Variants in CNTNAP2 observed in about 807,000 individuals in gnomAD.
CNTNAP2 encodes contactin associated protein 2.
A neutral mutation model predicts 155.2 loss-of-function variants in CNTNAP2; 98 were observed. That is an observed-to-expected ratio of 0.63 (90% CI 0.54 to 0.75). CNTNAP2 has a LOEUF of 0.75. Among genes scored for constraint, CNTNAP2 ranks in the 30% least tolerant of loss-of-function variants. The pLI is 0.00. For missense variants in CNTNAP2, 1,727 were observed against 1,688.1 expected (o/e 1.02, Z -0.40); for synonymous variants, 651 against 631.2 (o/e 1.03, Z -0.47).
chr7:148,107,099 G>GA (rs1194614019), intron 15 of CNTNAP2, among the ~76,000 whole-genome samples: 3 of 152,120 alleles, frequency 2.0e-5, no homozygotes, highest in Non-Finnish European at 4.4e-5. Context: ...CCAAACATGT[G>GA]AAACACACAA....
In CNTNAP2 at chr7:147,176,664, A is replaced by G. The variant is rs867773635; in HGVS notation, c.1348+44155A>G. Among the ~76,000 whole-genome samples, 12 of 113,404 alleles carry G rather than the reference A, an allele frequency of 1.1e-4. No individual in the cohort carries two copies. In the South Asian group the frequency reaches 2.8e-3, roughly 26 times the overall value. 74.4% of individuals were successfully genotyped at this position (113,404 alleles called of 152,430 possible). On this transcript the variant is annotated intron_variant, in intron 8 of 23. Transcript: ENST00000361727. ...AATATTTATAATATAATAGAATTAT[A>G]TTCTGTATTTTATATAATATATAAT...
chr7:146,396,648 C>T (rs1795631688), intron 1 of CNTNAP2, among the ~76,000 whole-genome samples: 1 of 150,692 alleles, frequency 6.6e-6, no homozygotes, highest in African/African-American at 2.5e-5. Context: ...AAACATTTTG[C>T]TAAAGTTTGG....
intron 1 of CNTNAP2, among the ~76,000 whole-genome samples, chr7:146,642,264 C>A (rs898185655): frequency 2.7e-5 from 4 of 150,712 alleles, no homozygotes; most frequent in African/African-American, 9.8e-5. Flanking sequence ...CCCATTAACT[C>A]ATCATTTAGC....
chr7:148,046,056 C>T (rs916488744), intron 15 of CNTNAP2, among the ~76,000 whole-genome samples: 1 of 152,136 alleles, frequency 6.6e-6, no homozygotes, highest in Non-Finnish European at 1.5e-5. Flanking sequence ...TGCTGTCCTT[C>T]AATATTATTA....
At chr7:146,375,702 T>C (rs1160208712) in intron 1 of CNTNAP2, among the ~76,000 whole-genome samples, 1 of 152,192 alleles carries the variant, frequency 6.6e-6, no homozygotes, top group African/African-American at 2.4e-5. Flanking sequence ...ATGAAATAAA[T>C]ATTTTTCCCA....
chr7:147,306,607 C>G (rs1431822203), intron 9 of CNTNAP2, among the ~76,000 whole-genome samples: 1 of 152,148 alleles, frequency 6.6e-6, no homozygotes, highest in Non-Finnish European at 1.5e-5. Context: ...GGTTTGAAAG[C>G]ACATTCTACG....
intron 1 of CNTNAP2, among the ~76,000 whole-genome samples, chr7:146,317,884 G>A (rs1584866263): frequency 6.6e-6 from 1 of 152,224 alleles, no homozygotes; most frequent in African/African-American, 2.4e-5. Context: ...GCTCACGCCT[G>A]TAATCCTAGC....
chr7:148,048,090 A>T (rs992582534), intron 15 of CNTNAP2, among the ~76,000 whole-genome samples: 5 of 145,238 alleles, frequency 3.4e-5, no homozygotes, highest in African/African-American at 1.0e-4. Context: ...TGCCCAGCTA[A>T]TTTTTTTTTT....
chr7:147,136,781 T>C (rs1225746965), intron 8 of CNTNAP2, among the ~76,000 whole-genome samples: 3 of 151,970 alleles, frequency 2.0e-5, no homozygotes, highest in African/African-American at 7.2e-5. Context: ...CTTTTCATCA[T>C]ATGAGAAAAA....
rs1473651635 is a variant in CNTNAP2, at chr7:146,914,325, T to C, written c.402+74421T>C. On this transcript the variant is annotated intron_variant, in intron 3 of 23. Coordinates refer to ENST00000361727, the MANE Select transcript of CNTNAP2 (RefSeq NM_014141.6). ...GGGTAGGTACCCAGGGCACGATTAC[T>C]GGATCAAATTGTGGATCCACTTTTA... Among the ~76,000 whole-genome samples the C allele has an allele frequency of 7.2e-5, 11 of 152,228 alleles. No individual in the cohort carries two copies. The East Asian group carries it at 2.1e-3, about 29-fold the overall frequency.
intron 11 of CNTNAP2, among the ~76,000 whole-genome samples, chr7:147,502,205 T>C (rs1229318435): frequency 6.6e-6 from 1 of 151,962 alleles, no homozygotes; most frequent in Non-Finnish European, 1.5e-5. Flanking sequence ...AGATGTTTTA[T>C]AGAAATAGAA....
At chr7:146,512,805 T>A (rs1410749692) in intron 1 of CNTNAP2, among the ~76,000 whole-genome samples, 4 of 151,586 alleles carry the variant, frequency 2.6e-5, no homozygotes, top group Non-Finnish European at 5.9e-5. Flanking sequence ...TTTAGGTCCA[T>A]TTGCTCTATA....
At chr7:147,864,261 GC>G (rs1799187639) in intron 13 of CNTNAP2, among the ~76,000 whole-genome samples, 1 of 152,126 alleles carries the variant, frequency 6.6e-6, no homozygotes, top group Non-Finnish European at 1.5e-5. Context: ...TATTTCTGAT[GC>G]CTCTGTTCTG....
chr7:147,928,515 C>A (rs576418309), intron 14 of CNTNAP2, among the ~76,000 whole-genome samples: 1 of 151,922 alleles, frequency 6.6e-6, no homozygotes, highest in African/African-American at 2.4e-5. Flanking sequence ...AACTTTAAAG[C>A]GATGAATTGT....
intron 13 of CNTNAP2, among the ~76,000 whole-genome samples, chr7:147,765,862 C>T (rs1460914259): frequency 2.0e-5 from 3 of 152,066 alleles, no homozygotes; most frequent in Non-Finnish European, 2.9e-5. Context: ...ATGATATACT[C>T]GTACAATGGA....
intron 14 of CNTNAP2, among the ~76,000 whole-genome samples, chr7:147,925,161 A>AGGAAGGAAGGAAGGAG (rs1800366335): frequency 7.5e-6 from 1 of 133,352 alleles, no homozygotes; most frequent in African/African-American, 3.0e-5. Context: ...GAGAGAAGGA[A>AGGAAGGAAGGAAGGAG]GGAAGGAAGG....
chr7:148,270,844 T>C (rs1796763995), intron 21 of CNTNAP2, among the ~76,000 whole-genome samples: 1 of 152,218 alleles, frequency 6.6e-6, no homozygotes, highest in Admixed American at 6.5e-5. Flanking sequence ...ATCTTGACCA[T>C]GTTGCTTTCT....
Position 146,174,343 on chromosome 7 carries a change from CT to C in CNTNAP2, c.97+57371del, listed in dbSNP as rs769608604. ...CTTGACTCTTACCACCTAAATTCAA[CT>C]CATTTAAAACTATAGGCCAGGAGCA... On this transcript the variant is annotated intron_variant, in intron 1 of 23. Coordinates refer to ENST00000361727, the MANE Select transcript of CNTNAP2 (RefSeq NM_014141.6). 9.7e-4 allele frequency among the ~76,000 whole-genome samples: 147 copies of C among 152,118 alleles called. 3 individuals carry two copies. The highest frequency in any genetic ancestry group is 3.4e-3 in the Middle Eastern group (1 of 294).
chr7:147,888,607 G>A (rs924544453), intron 13 of CNTNAP2, among the ~76,000 whole-genome samples: 1 of 151,670 alleles, frequency 6.6e-6, no homozygotes, highest in African/African-American at 2.4e-5. Context: ...GCATCATAGT[G>A]GATGTAAGCC....
Sources: gnomAD v4.1 joint callset for allele counts (sites outside exome capture counted in the v4.1 genomes callset) on GRCh38, gnomAD v4.1.1 for gene constraint, MANE v1.5 for transcripts, NCBI Gene and HGNC (gene_info 2026-07-23, HGNC 2026-07-21) for gene names.